MCUB: variants seen among roughly 807,000 people sequenced by gnomAD.
The protein encoded by MCUB is calcium uniporter regulatory subunit MCUb, mitochondrial.
Under a neutral mutation model 41.4 loss-of-function variants are expected in MCUB, and 46 were observed. That is an observed-to-expected ratio of 1.11 (90% CI 0.88 to 1.42). MCUB has a LOEUF of 1.42. Ranked by LOEUF, MCUB falls within the 40% of genes most tolerant of loss-of-function variation. The pLI is 0.00. For synonymous variants in MCUB, 148 were observed against 148.2 expected (o/e 1.00, Z 0.01); for missense variants, 403 against 404.9 (o/e 1.00, Z 0.04).
At chr4:109,578,512 A>G (rs1490523934) in intron 1 of MCUB, among the ~76,000 whole-genome samples, 1 of 151,048 alleles carries the variant, frequency 6.6e-6, no homozygotes, top group East Asian at 1.9e-4. Context: ...TTTTTGAAAC[A>G]GATTTACTCT....
chr4:109,616,461 A>G (rs1441145806), intron 1 of MCUB, among the ~76,000 whole-genome samples: 6 of 152,196 alleles, frequency 3.9e-5, no homozygotes, highest in Admixed American at 6.5e-5. Context: ...TTATTACCCA[A>G]CAGAATAACC....
chr4:109,588,604 T>C (rs1038584636), intron 1 of MCUB, among the ~76,000 whole-genome samples: 5 of 152,216 alleles, frequency 3.3e-5, no homozygotes, highest in Non-Finnish European at 5.9e-5. Flanking sequence ...CCCCACCAAA[T>C]TGAAGATTCC....
Position 109,658,972 on chromosome 4 carries a change from C to G in MCUB, c.100-39C>G. 3 of 1,140,880 alleles carry G rather than the reference C, an allele frequency of 2.6e-6. No individual in the cohort carries two copies. The South Asian group carries it at 4.0e-5, about 15-fold the overall frequency. The allele number at this position is 1,140,880 out of a possible 1,614,324, so 70.7% of individuals were successfully genotyped here. ...AGACACTTATTTCATCTTTCCCACT[C>G]TTTTTTTAAAAAAACAAATTAATTT... On this transcript the variant is annotated intron_variant, in intron 1 of 7. Transcript: ENST00000394650.
At chr4:109,607,629 A>G (rs1009043231) in intron 1 of MCUB, among the ~76,000 whole-genome samples, 1 of 152,164 alleles carries the variant, frequency 6.6e-6, no homozygotes, top group Non-Finnish European at 1.5e-5. Context: ...TTTCTCCTTC[A>G]TGTTTAAAGG....
chr4:109,632,513 G>A (rs1236518510), intron 1 of MCUB, among the ~76,000 whole-genome samples: 7 of 152,084 alleles, frequency 4.6e-5, no homozygotes, highest in Non-Finnish European at 1.0e-4. Flanking sequence ...TTACCTAGGC[G>A]GTACCAGCTC....
At chr4:109,644,330 C>G (rs1728784987) in intron 1 of MCUB, among the ~76,000 whole-genome samples, 1 of 152,104 alleles carries the variant, frequency 6.6e-6, no homozygotes, top group Non-Finnish European at 1.5e-5. Context: ...AAAAAACAAG[C>G]AGCCACAATC....
At position 109,646,329 on chromosome 4, in the gene MCUB, AC is replaced by A. The variant is rs532248195; in HGVS notation, c.100-12681del. ...CCCCCTCTTCCCCGTGCAGTAACTG[AC>A]TCACCATCTCCGCACTTGCTGAAGT... On this transcript the variant is annotated intron_variant, in intron 1 of 7. Coordinates refer to ENST00000394650, the MANE Select transcript of MCUB (RefSeq NM_017918.5). Among the ~76,000 whole-genome samples, 10 of 152,196 alleles carry A rather than the reference AC, an allele frequency of 6.6e-5. No individual in the cohort carries two copies. In the East Asian group the frequency reaches 1.4e-3, roughly 21 times the overall value.
intron 1 of MCUB, among the ~76,000 whole-genome samples, chr4:109,585,102 A>C (rs889602750): frequency 3.3e-5 from 5 of 151,968 alleles, no homozygotes; most frequent in South Asian, 2.1e-4. Flanking sequence ...GTAGGTCTCT[A>C]AGAACTTGCT....
chr4:109,585,178 A>T (rs1487516428), intron 1 of MCUB, among the ~76,000 whole-genome samples: 1 of 152,086 alleles, frequency 6.6e-6, no homozygotes, highest in African/African-American at 2.4e-5. Flanking sequence ...TTCTTGTTCA[A>T]TCGATTCCTT....
chr4:109,612,282 T>TTTTGA (rs1728027514), intron 1 of MCUB, among the ~76,000 whole-genome samples: 2 of 146,188 alleles, frequency 1.4e-5, no homozygotes, highest in African/African-American at 5.0e-5. Context: ...TTTTTTTTTT[T>TTTTGA]GAGAGCGTCT....
Position 109,620,698 on chromosome 4 carries a change from TTAAAAG to T in MCUB, c.100-38308_100-38303del, listed in dbSNP as rs779254075. Among the ~76,000 whole-genome samples the T allele has an allele frequency of 8.5e-4, 130 of 152,108 alleles. 1 individual carries two copies. Among genetic ancestry groups the T allele is most frequent in the Middle Eastern group, 3.4e-3 (1 of 294 alleles). On this transcript the variant is annotated intron_variant, in intron 1 of 7. Coordinates refer to ENST00000394650, the MANE Select transcript of MCUB (RefSeq NM_017918.5). ...TTGATGTAAAGAGACTGGCAGTTGA[TTAAAAG>T]TAAAGAGTATTGATTACATTAATAA...
At chr4:109,576,005 A>T (rs746102823) in intron 1 of MCUB, among the ~76,000 whole-genome samples, 3 of 152,198 alleles carry the variant, frequency 2.0e-5, no homozygotes, top group Admixed American at 6.5e-5. Context: ...TAAGTCTAGG[A>T]TTCTCACCTC....
At chr4:109,666,035 G>C (rs967260487) in intron 4 of MCUB, among the ~76,000 whole-genome samples, 3 of 152,098 alleles carry the variant, frequency 2.0e-5, no homozygotes, top group Admixed American at 6.5e-5. Context: ...GATAAGGGAG[G>C]AGACGAGGCA....
At chr4:109,616,067 A>G (rs1368900803) in intron 1 of MCUB, among the ~76,000 whole-genome samples, 1 of 152,282 alleles carries the variant, frequency 6.6e-6, no homozygotes, top group Non-Finnish European at 1.5e-5. Flanking sequence ...TTTAAGTTCC[A>G]AAAGGATATA....
At chr4:109,584,308 T>A (rs932662724) in intron 1 of MCUB, among the ~76,000 whole-genome samples, 4 of 152,316 alleles carry the variant, frequency 2.6e-5, no homozygotes, top group Admixed American at 2.6e-4. Flanking sequence ...CCCTTTATCA[T>A]TTTTTATTGC....
intron 1 of MCUB, among the ~76,000 whole-genome samples, chr4:109,656,050 G>T (rs1729089492): frequency 6.6e-6 from 1 of 151,950 alleles, no homozygotes. Context: ...TATCTTGTGG[G>T]TGCTACAGTT....
At chr4:109,585,858 C>G (rs896191112) in intron 1 of MCUB, among the ~76,000 whole-genome samples, 3 of 152,158 alleles carry the variant, frequency 2.0e-5, no homozygotes, top group East Asian at 1.9e-4. Context: ...GTAACCTGAC[C>G]TTTCTGGCTG....
chr4:109,566,914 C>T (rs1019176715), intron 1 of MCUB, among the ~76,000 whole-genome samples: 2 of 152,070 alleles, frequency 1.3e-5, no homozygotes, highest in Non-Finnish European at 2.9e-5. Context: ...TATTTAAGAC[C>T]AGCCTGACCA....
chr4:109,613,590 G>A (rs980598195), intron 1 of MCUB, among the ~76,000 whole-genome samples: 9 of 152,262 alleles, frequency 5.9e-5, no homozygotes, highest in East Asian at 1.9e-4. Flanking sequence ...ACAACAGAGC[G>A]AATCTAGCAG....
Sources: gnomAD v4.1 joint callset for allele counts (sites outside exome capture counted in the v4.1 genomes callset) on GRCh38, gnomAD v4.1.1 for gene constraint, MANE v1.5 for transcripts, NCBI Gene and HGNC (gene_info 2026-07-23, HGNC 2026-07-21) for gene names.